The following ROBO2 variants were observed in gnomAD, a reference collection of about 807,000 sequenced individuals.
ROBO2 encodes the protein roundabout homolog 2.
In ROBO2, 53 loss-of-function variants were observed where a neutral mutation model predicts 160.8. The ratio of observed to expected loss-of-function variants is 0.33; its 90% CI spans 0.26 to 0.41. The LOEUF (loss-of-function observed/expected upper bound fraction) is 0.41. Ranked by LOEUF, ROBO2 falls within the 10% of genes least tolerant of loss-of-function variation. ROBO2 has a pLI of 1.00. For synonymous variants in ROBO2, 664 were observed against 611.7 expected (o/e 1.09, Z -1.26); for missense variants, 1,577 against 1,722.4 (o/e 0.92, Z 1.49).
chr3:76,971,712 T>A (rs962636345), intron 2 of ROBO2, among the ~76,000 whole-genome samples: 6 of 152,224 alleles, frequency 3.9e-5, no homozygotes, highest in African/African-American at 1.4e-4. Context: ...TTTTTGCATG[T>A]GCTTTACAAT....
At chr3:77,108,273 C>CATATATATATATGTATACACATATGCAT (rs1560026123) in intron 2 of ROBO2, among the ~76,000 whole-genome samples, 1 of 91,770 alleles carries the variant, frequency 1.1e-5, no homozygotes, top group Non-Finnish European at 2.3e-5. Flanking sequence ...TACACATATG[C>CATATATATATATGTATACACATATGCAT]ATATATATAT....
At chr3:76,714,001 G>T (rs1365458993) in intron 2 of ROBO2, among the ~76,000 whole-genome samples, 1 of 151,784 alleles carries the variant, frequency 6.6e-6, no homozygotes, top group Non-Finnish European at 1.5e-5. Flanking sequence ...ATAGAAAACT[G>T]CATTTGAAAA....
chr3:76,921,956 A>G (rs2076689324), intron 2 of ROBO2, among the ~76,000 whole-genome samples: 2 of 152,172 alleles, frequency 1.3e-5, no homozygotes, highest in South Asian at 4.1e-4. Flanking sequence ...TACAAAGCAG[A>G]ATGAAATAAA....
intron 2 of ROBO2, among the ~76,000 whole-genome samples, chr3:76,952,568 C>A (rs550017097): frequency 9.2e-5 from 14 of 152,246 alleles, no homozygotes; most frequent in African/African-American, 2.9e-4. Context: ...AGGCGTGAGC[C>A]ACTGTGCCCA....
At chr3:76,116,711 C>T (rs1225755080) in intron 2 of ROBO2, among the ~76,000 whole-genome samples, 1 of 152,128 alleles carries the variant, frequency 6.6e-6, no homozygotes, top group Non-Finnish European at 1.5e-5. Flanking sequence ...ATGCTACAGA[C>T]ATTTGAGCAA....
intron 2 of ROBO2, among the ~76,000 whole-genome samples, chr3:76,529,504 G>T (rs1027422153): frequency 6.6e-6 from 1 of 152,098 alleles, no homozygotes; most frequent in Admixed American, 6.6e-5. Flanking sequence ...GATCTAAGCT[G>T]CACTGAGAAA....
At chr3:76,761,093 A>G (rs1211721100) in intron 2 of ROBO2, among the ~76,000 whole-genome samples, 1 of 151,646 alleles carries the variant, frequency 6.6e-6, no homozygotes, top group Non-Finnish European at 1.5e-5. Context: ...CCTTTTAACA[A>G]TATGTCCTTT....
chr3:76,707,245 A>G (rs2093183317), intron 2 of ROBO2, among the ~76,000 whole-genome samples: 1 of 152,094 alleles, frequency 6.6e-6, no homozygotes, highest in Non-Finnish European at 1.5e-5. Context: ...ACACCGCACT[A>G]ATCTACAAAA....
intron 2 of ROBO2, among the ~76,000 whole-genome samples, chr3:76,294,460 C>T (rs554705286): frequency 6.6e-6 from 1 of 152,182 alleles, no homozygotes; most frequent in African/African-American, 2.4e-5. Flanking sequence ...CTGAGCTTTA[C>T]GTACCTTAAT....
intron 6 of ROBO2, among the ~76,000 whole-genome samples, chr3:77,532,483 C>G (rs894492959): frequency 6.6e-6 from 1 of 151,796 alleles, no homozygotes; most frequent in Non-Finnish European, 1.5e-5. Flanking sequence ...TTTCAATAAC[C>G]TTTTCTTCTG....
At chr3:77,213,322 C>T (rs1166064511) in intron 2 of ROBO2, among the ~76,000 whole-genome samples, 2 of 152,042 alleles carry the variant, frequency 1.3e-5, no homozygotes, top group Non-Finnish European at 2.9e-5. Context: ...CGTATGTGTC[C>T]AGGAATTTAT....
At chr3:76,239,522 G>C (rs908678083) in intron 2 of ROBO2, among the ~76,000 whole-genome samples, 2 of 152,100 alleles carry the variant, frequency 1.3e-5, no homozygotes, top group Non-Finnish European at 2.9e-5. Context: ...CTGTTTTGTA[G>C]AGATAGACAG....
intron 2 of ROBO2, among the ~76,000 whole-genome samples, chr3:77,354,814 G>C (rs941896581): frequency 1.3e-5 from 2 of 152,148 alleles, no homozygotes; most frequent in Non-Finnish European, 2.9e-5. Context: ...GGGACAGAAC[G>C]AGTGAAAGGG....
chr3:76,675,763 C>G (rs2092392005), intron 2 of ROBO2, among the ~76,000 whole-genome samples: 1 of 152,134 alleles, frequency 6.6e-6, no homozygotes, highest in Non-Finnish European at 1.5e-5. Context: ...TTCTAAGTCT[C>G]AGAATTTAAA....
At chr3:77,271,948 C>T (rs2059519097) in intron 2 of ROBO2, among the ~76,000 whole-genome samples, 1 of 152,158 alleles carries the variant, frequency 6.6e-6, no homozygotes, top group Non-Finnish European at 1.5e-5. Context: ...AATTTCTTTG[C>T]CTGCTGCATG....
At chr3:76,050,048 T>G (rs775957057) in intron 2 of ROBO2, among the ~76,000 whole-genome samples, 8 of 152,160 alleles carry the variant, frequency 5.3e-5, no homozygotes, top group Non-Finnish European at 8.8e-5. Context: ...TCAACTTGAT[T>G]GGATTGAAAG....
chr3:76,723,906 G>A (rs1481446418), intron 2 of ROBO2, among the ~76,000 whole-genome samples: 1 of 152,162 alleles, frequency 6.6e-6, no homozygotes, highest in African/African-American at 2.4e-5. Flanking sequence ...ATCCCTAGAA[G>A]TAAAATCAGC....
intron 7 of ROBO2, among the ~76,000 whole-genome samples, chr3:77,549,693 A>T (rs1197612815): frequency 6.6e-6 from 1 of 152,022 alleles, no homozygotes; most frequent in African/African-American, 2.4e-5. Flanking sequence ...GATTAAAGTC[A>T]TTGAGCATAA....
intron 2 of ROBO2, among the ~76,000 whole-genome samples, chr3:76,694,867 G>A (rs2092894756): frequency 6.6e-6 from 1 of 151,988 alleles, no homozygotes; most frequent in African/African-American, 2.4e-5. Flanking sequence ...ACTTTGGGAG[G>A]CTAAGGCAGG....
Sources: gnomAD v4.1 joint callset for allele counts (sites outside exome capture counted in the v4.1 genomes callset) on GRCh38, gnomAD v4.1.1 for gene constraint, MANE v1.5 for transcripts, NCBI Gene and HGNC (gene_info 2026-07-23, HGNC 2026-07-21) for gene names.